CCSER1: variants seen among roughly 807,000 people sequenced by gnomAD.
The protein encoded by CCSER1 is coiled-coil serine rich protein 1, also known as serine-rich coiled-coil domain-containing protein 1.
CCSER1 carries 41 observed loss-of-function variants against 82.0 expected under a neutral mutation model. The ratio of observed to expected loss-of-function variants is 0.50; its 90% CI spans 0.39 to 0.65. CCSER1 has a LOEUF of 0.65. Among genes scored for constraint, CCSER1 ranks in the 30% least tolerant of loss-of-function variants. CCSER1 has a pLI of 0.00. For synonymous variants in CCSER1, 414 were observed against 383.9 expected (o/e 1.08, Z -0.92); for missense variants, 1,119 against 1,064.2 (o/e 1.05, Z -0.72).
intron 10 of CCSER1, among the ~76,000 whole-genome samples, chr4:91,295,404 A>G (rs1489466970): frequency 2.0e-5 from 3 of 151,932 alleles, no homozygotes; most frequent in Non-Finnish European, 1.5e-5. Context: ...CAAAATTTTT[A>G]CTACAGTTAG....
At chr4:91,179,137 C>T (rs183699085) in intron 10 of CCSER1, among the ~76,000 whole-genome samples, 2 of 152,336 alleles carry the variant, frequency 1.3e-5, no homozygotes, top group Admixed American at 1.3e-4. Flanking sequence ...CCCCCACTCT[C>T]TTCTGGCTTT....
At chr4:90,210,546 C>T (rs986081480) in intron 1 of CCSER1, among the ~76,000 whole-genome samples, 3 of 151,482 alleles carry the variant, frequency 2.0e-5, no homozygotes, top group South Asian at 2.1e-4. Context: ...GGGGCTCAAG[C>T]GATCCTCCTG....
intron 9 of CCSER1, among the ~76,000 whole-genome samples, chr4:91,052,194 A>AATAAACTGATATATCGTTAT (rs1743066755): frequency 1.3e-5 from 2 of 152,064 alleles, no homozygotes; most frequent in Admixed American, 6.6e-5. Context: ...ATCGTTATAT[A>AATAAACTGATATATCGTTAT]ATCAGTGTCT....
chr4:91,299,557 G>A (rs941158933), intron 10 of CCSER1, among the ~76,000 whole-genome samples: 1 of 151,886 alleles, frequency 6.6e-6, no homozygotes, highest in East Asian at 1.9e-4. Context: ...TAGAGGTAGT[G>A]ACAACTGAGA....
intron 9 of CCSER1, among the ~76,000 whole-genome samples, chr4:91,017,901 C>T (rs1739579737): frequency 6.6e-6 from 1 of 151,810 alleles, no homozygotes; most frequent in Non-Finnish European, 1.5e-5. Context: ...TCATAGCTCA[C>T]TGTAGTCTTG....
At chr4:91,218,739 C>T (rs963533193) in intron 10 of CCSER1, among the ~76,000 whole-genome samples, 2 of 152,148 alleles carry the variant, frequency 1.3e-5, no homozygotes, top group Non-Finnish European at 2.9e-5. Flanking sequence ...CGATCCTTCA[C>T]CCACAGTAAG....
intron 10 of CCSER1, among the ~76,000 whole-genome samples, chr4:91,480,342 A>G (rs994291520): frequency 1.3e-5 from 2 of 152,218 alleles, no homozygotes; most frequent in African/African-American, 2.4e-5. Flanking sequence ...TGGTTGAACT[A>G]GTTCACAGTC....
At chr4:90,161,860 G>T (rs1421296267) in intron 1 of CCSER1, among the ~76,000 whole-genome samples, 1 of 152,042 alleles carries the variant, frequency 6.6e-6, no homozygotes, top group Admixed American at 6.6e-5. Flanking sequence ...CCAAATTCAA[G>T]ACCTAGAGAG....
At chr4:90,507,513 T>C (rs1372685513) in intron 5 of CCSER1, among the ~76,000 whole-genome samples, 1 of 151,914 alleles carries the variant, frequency 6.6e-6, no homozygotes, top group East Asian at 1.9e-4. Flanking sequence ...GAAATTGAGA[T>C]AGAGATAGAA....
At chr4:91,125,914 A>C (rs1727470633) in intron 10 of CCSER1, among the ~76,000 whole-genome samples, 1 of 151,780 alleles carries the variant, frequency 6.6e-6, no homozygotes, top group East Asian at 1.9e-4. Flanking sequence ...GACTGGGTTT[A>C]ATCCAAGAAT....
chr4:90,164,205 T>G (rs1215182492), intron 1 of CCSER1, among the ~76,000 whole-genome samples: 1 of 151,942 alleles, frequency 6.6e-6, no homozygotes, highest in African/African-American at 2.4e-5. Flanking sequence ...TAATAAGGGT[T>G]TTTTTTCAAA....
At chr4:90,286,505 T>TA (rs959967922) in intron 1 of CCSER1, among the ~76,000 whole-genome samples, 1 of 152,014 alleles carries the variant, frequency 6.6e-6, no homozygotes, top group Non-Finnish European at 1.5e-5. Context: ...TGCTTTTTTA[T>TA]AAAAATTATT....
chr4:91,093,659 G>A (rs368710683), intron 10 of CCSER1, among the ~76,000 whole-genome samples: 1 of 152,280 alleles, frequency 6.6e-6, no homozygotes, highest in Admixed American at 6.5e-5. Context: ...TCTTGGCCAG[G>A]GCCCCACAGT....
intron 7 of CCSER1, among the ~76,000 whole-genome samples, chr4:90,750,295 A>C (rs192204568): frequency 1.0e-3 from 156 of 152,136 alleles, no homozygotes; most frequent in African/African-American, 3.3e-3. Context: ...TCTTTAGTTT[A>C]ATTAGATCCC....
intron 8 of CCSER1, among the ~76,000 whole-genome samples, chr4:90,906,758 TTC>T (rs1189151512): frequency 2.0e-5 from 3 of 152,030 alleles, no homozygotes; most frequent in African/African-American, 7.2e-5. Flanking sequence ...GTTGGCAGGT[TTC>T]TGTTTCTAGT....
At chr4:90,203,766 C>T (rs966105417) in intron 1 of CCSER1, among the ~76,000 whole-genome samples, 10 of 152,136 alleles carry the variant, frequency 6.6e-5, no homozygotes, top group African/African-American at 2.2e-4. Context: ...GGAATCGCCA[C>T]CCTGTCTTCC....
At chr4:90,510,211 T>C (rs1408717287) in intron 5 of CCSER1, among the ~76,000 whole-genome samples, 1 of 152,182 alleles carries the variant, frequency 6.6e-6, no homozygotes, top group East Asian at 1.9e-4. Flanking sequence ...GTCATGCATT[T>C]TAAAACTCTA....
At chr4:91,110,154 G>A (rs1371898831) in intron 10 of CCSER1, among the ~76,000 whole-genome samples, 2 of 151,746 alleles carry the variant, frequency 1.3e-5, no homozygotes, top group Non-Finnish European at 2.9e-5. Flanking sequence ...TAAAAACTTA[G>A]TGAAATGTAG....
chr4:90,208,431 T>G (rs1160532001), intron 1 of CCSER1, among the ~76,000 whole-genome samples: 1 of 152,000 alleles, frequency 6.6e-6, no homozygotes, highest in Non-Finnish European at 1.5e-5. Context: ...GATCTTAGCT[T>G]GCTGGGCTCT....
Sources: gnomAD v4.1 joint callset for allele counts (sites outside exome capture counted in the v4.1 genomes callset) on GRCh38, gnomAD v4.1.1 for gene constraint, MANE v1.5 for transcripts, NCBI Gene and HGNC (gene_info 2026-07-23, HGNC 2026-07-21) for gene names.